The following ACOX3 variants were observed in gnomAD, a reference collection of about 807,000 sequenced individuals.
ACOX3 encodes the protein acyl-CoA oxidase 3, pristanoyl.
Under a neutral mutation model 81.5 loss-of-function variants are expected in ACOX3, and 73 were observed. The ratio of observed to expected loss-of-function variants is 0.90; its 90% CI spans 0.74 to 1.09. The LOEUF is 1.09. Ranked by LOEUF, ACOX3 falls within the 50% of genes least tolerant of loss-of-function variation. The probability of loss-of-function intolerance (pLI) is 0.00; values close to 1 mark genes in which losing one functional copy is unlikely to be tolerated. For missense variants in ACOX3, 947 were observed against 928.0 expected (o/e 1.02, Z -0.27); for synonymous variants, 387 against 375.1 (o/e 1.03, Z -0.37).
chr4:8,384,846 A>C lies in ACOX3; in HGVS notation c.1538-3239T>G, dbSNP rs995837623. Among the ~76,000 whole-genome samples, 17 of 152,112 alleles carry C rather than the reference A, an allele frequency of 1.1e-4. No individual in the cohort carries two copies. Among genetic ancestry groups the C allele is most frequent in the Admixed American group, 3.3e-4 (5 of 15,278 alleles). On this transcript the variant is annotated intron_variant, in intron 13 of 17. Transcript: ENST00000356406. This position sits in a 1 kb window ranked among gnomAD's most constrained non-coding sequence, Gnocchi z 5.3. ...CCAGATCACAGGCCCGGGTCTGACC[A>C]TGCCCGCCGCTCTGGTGCTCCTGAA...
rs767171868 is a variant in ACOX3 at position 8,419,835 on chromosome 4, G to A, written c.-14-3300C>T. ...CCTGCACCCCAGTTCCACACTGCCA[G>A]TCACCCAAGGATTACTGGAATTACA... On this transcript the variant is annotated intron_variant, in intron 1 of 17. Coordinates refer to ENST00000356406, the MANE Select transcript of ACOX3 (RefSeq NM_003501.3). The surrounding 1 kb of genome is among the most constrained non-coding windows in gnomAD (Gnocchi z 4.2). 9.9e-5 allele frequency among the ~76,000 whole-genome samples: 15 copies of A among 152,142 alleles called. No individual in the cohort carries two copies. Among genetic ancestry groups the A allele is most frequent in the Non-Finnish European group, 1.3e-4 (9 of 68,032 alleles).
At position 8,431,362 on chromosome 4, in the gene ACOX3, T is replaced by A. The variant is rs1403490533; in HGVS notation, c.-15+9286A>T. On this transcript the variant is annotated intron_variant, in intron 1 of 17. Transcript: ENST00000356406. The surrounding 1 kb of genome is among the most constrained non-coding windows in gnomAD (Gnocchi z 5.3). ...CCGTGGCTTCACCTCGGGGCCACCT[T>A]CTGGCATTTGCCTGCTCACGCTGTA... Among the ~76,000 whole-genome samples, 1 of 152,230 alleles carries A rather than the reference T, an allele frequency of 6.6e-6. No individual in the cohort carries two copies. Among genetic ancestry groups the A allele is most frequent in the Non-Finnish European group, 1.5e-5 (1 of 68,048 alleles).
At chr4:8,410,495 C>A in intron 5 of ACOX3, 140 bp from the exon 6 acceptor site, 1 of 1,149,248 alleles carries the variant, frequency 8.7e-7, no homozygotes, top group Non-Finnish European at 1.2e-6. Flanking sequence ...CATTTTAGTT[C>A]TTGTATGGCA....
In ACOX3 at chr4:8,377,089, C is replaced by T. The variant is rs184551939; in HGVS notation, c.1654-1937G>A. On this transcript the variant is annotated intron_variant, in intron 14 of 17. Coordinates refer to ENST00000356406, the MANE Select transcript of ACOX3 (RefSeq NM_003501.3). Reference sequence around the variant, plus strand: ...GGCTGCTCCTGTGTCCACGAGAACACGATAATTCCATTGAATCCTGCCCAC... The same window carrying T: ...GGCTGCTCCTGTGTCCACGAGAACATGATAATTCCATTGAATCCTGCCCAC... Among the ~76,000 whole-genome samples the T allele has an allele frequency of 2.6e-4, 39 of 152,224 alleles. 1 individual carries two copies. Among genetic ancestry groups the T allele is most frequent in the Non-Finnish European group, 3.7e-4 (25 of 68,034 alleles).
chr4:8,391,736 C>T (rs1399874882), intron 11 of ACOX3, among the ~76,000 whole-genome samples: 1 of 152,172 alleles, frequency 6.6e-6, no homozygotes, highest in African/African-American at 2.4e-5. Context: ...AAACTGAGCA[C>T]AGTGAGGTTA....
intron 5 of ACOX3, among the ~76,000 whole-genome samples, chr4:8,412,286 C>G (rs2108964388): frequency 6.6e-6 from 1 of 152,398 alleles, no homozygotes; most frequent in Admixed American, 6.5e-5. Context: ...CAGGGGCACC[C>G]TGTGCGAGGA....
At position 8,407,548 on chromosome 4, in the gene ACOX3, G is replaced by A. The variant is rs747810236; in HGVS notation, c.688-1505C>T. ...GAGAATACGTTATGCTGTTTCGAGC[G>A]CCCTGCTTTGTGGTGCTTTGCTGTG... On this transcript the variant is annotated intron_variant, in intron 6 of 17. Coordinates refer to ENST00000356406, the MANE Select transcript of ACOX3 (RefSeq NM_003501.3). The surrounding 1 kb of genome is among the most constrained non-coding windows in gnomAD (Gnocchi z 4.6). Among the ~76,000 whole-genome samples, 9 of 152,204 alleles carry A rather than the reference G, an allele frequency of 5.9e-5. No homozygotes were observed. Among genetic ancestry groups the A allele is most frequent in the Admixed American group, 6.5e-5 (1 of 15,284 alleles).
In ACOX3 at chr4:8,386,822, G is replaced by A. The variant is rs1041578247; in HGVS notation, c.1537+2351C>T. On this transcript the variant is annotated intron_variant, in intron 13 of 17. Coordinates refer to ENST00000356406, the MANE Select transcript of ACOX3 (RefSeq NM_003501.3). The surrounding 1 kb of genome is among the most constrained non-coding windows in gnomAD (Gnocchi z 5.2). Reference sequence around the variant, plus strand: ...CAGGCTCCACACCGGCTTCGGCCACGGCTGTTGTCCTGTTCTTTGCCGTGT... The same window carrying A: ...CAGGCTCCACACCGGCTTCGGCCACAGCTGTTGTCCTGTTCTTTGCCGTGT... Among the ~76,000 whole-genome samples the A allele has an allele frequency of 2.6e-5, 4 of 152,212 alleles. No individual in the cohort carries two copies. Among genetic ancestry groups the A allele is most frequent in the Non-Finnish European group, 4.4e-5 (3 of 68,040 alleles).
intron 15 of ACOX3, 38 bp from the exon 16 acceptor site, chr4:8,373,666 A>G (rs371365262): frequency 2.1e-4 from 340 of 1,589,410 alleles, no homozygotes; most frequent in Non-Finnish European, 2.8e-4. Flanking sequence ...GGCTGGGTCC[A>G]GTCCAAAACC....
intron 1 of ACOX3, among the ~76,000 whole-genome samples, chr4:8,422,073 G>A (rs1723009040): frequency 1.3e-5 from 2 of 152,080 alleles, no homozygotes; most frequent in Admixed American, 6.6e-5. Flanking sequence ...TGGGGGCAAC[G>A]AGCGAACATT....
chr4:8,394,427 G>A lies in ACOX3; in HGVS notation c.1179+193C>T, dbSNP rs750017346. 1.4e-4 allele frequency among the ~76,000 whole-genome samples: 22 copies of A among 152,356 alleles called. No homozygotes were observed. Among genetic ancestry groups the A allele is most frequent in the Non-Finnish European group, 2.6e-4 (18 of 68,034 alleles). On this transcript the variant is annotated intron_variant, in intron 10 of 17. Coordinates refer to ENST00000356406, the MANE Select transcript of ACOX3 (RefSeq NM_003501.3). This position sits in a 1 kb window ranked among gnomAD's most constrained non-coding sequence, Gnocchi z 5.9. ...GTGTCAGCACATCCTTGAGAGGCAG[G>A]GGTGTGGACGCGTGCCCAGCCCGTT...
chr4:8,429,440 G>A (rs1263375616), intron 1 of ACOX3, among the ~76,000 whole-genome samples: 1 of 152,240 alleles, frequency 6.6e-6, no homozygotes, highest in Admixed American at 6.5e-5. Context: ...GGGGCTTTAA[G>A]ACTATTACAA....
At chr4:8,434,583 G>A (rs1177363093) in intron 1 of ACOX3, among the ~76,000 whole-genome samples, 1 of 152,264 alleles carries the variant, frequency 6.6e-6, no homozygotes, top group Non-Finnish European at 1.5e-5. Context: ...CCCCCGTGGA[G>A]GATCAACGCA....
rs1031221125 is a variant in ACOX3, at chr4:8,399,716, A to G, written c.777-64T>C. 9 of 1,462,448 alleles carry G rather than the reference A, an allele frequency of 6.2e-6. No individual in the cohort carries two copies. The highest frequency in any genetic ancestry group is 1.1e-5 in the South Asian group (1 of 87,272). The allele number at this position is 1,462,448 out of a possible 1,614,324, so 90.6% of individuals were successfully genotyped here. ...CTGCCCTGAGGCTCTTCTCTTCTCC[A>G]AGGGCAGCCTAAAAGCTGATGCAAT... On this transcript the variant is annotated intron_variant, in intron 7 of 17. Transcript: ENST00000356406. This position sits in a 1 kb window ranked among gnomAD's most constrained non-coding sequence, Gnocchi z 4.9.
chr4:8,387,129 G>A (rs183460438), intron 13 of ACOX3, among the ~76,000 whole-genome samples: 5 of 152,352 alleles, frequency 3.3e-5, no homozygotes, highest in Admixed American at 1.3e-4. Flanking sequence ...CCTCGAGGGC[G>A]GTTCCTGTCC....
chr4:8,387,613 G>A (rs927896828), intron 13 of ACOX3, among the ~76,000 whole-genome samples: 3 of 152,212 alleles, frequency 2.0e-5, no homozygotes, highest in African/African-American at 7.2e-5. Context: ...CTTTACAGAC[G>A]GGGGCTGTGG....
At chr4:8,369,803 GTGCTTCAGCAGAAATAACTCAGT>G (rs1315162693) in intron 17 of ACOX3, among the ~76,000 whole-genome samples, 3 of 152,264 alleles carry the variant, frequency 2.0e-5, no homozygotes, top group Non-Finnish European at 4.4e-5. Flanking sequence ...GCTTCAGCAG[GTGCTTCAGCAGAAATAACTCAGT>G]TGCGGGGCCA....
intron 9 of ACOX3, among the ~76,000 whole-genome samples, chr4:8,396,112 C>G (rs1169100971): frequency 6.6e-6 from 1 of 152,246 alleles, no homozygotes; most frequent in African/African-American, 2.4e-5. Flanking sequence ...TGGGCTGCAT[C>G]TGTGCATGTC....
the ACOX3 span, among the ~76,000 whole-genome samples, chr4:8,361,199 G>A: frequency 3.3e-5 from 5 of 151,748 alleles, no homozygotes; most frequent in Middle Eastern, 3.2e-3. Flanking sequence ...CGAGGTGGGC[G>A]GATCATGAAG....
Sources: gnomAD v4.1 joint callset for allele counts (sites outside exome capture counted in the v4.1 genomes callset) on GRCh38, gnomAD v4.1.1 for gene constraint, Gnocchi (gnomAD v3.1) non-coding constraint, MANE v1.5 for transcripts, NCBI Gene and HGNC (gene_info 2026-07-23, HGNC 2026-07-21) for gene names.